The following ACTN1 variants were observed in gnomAD, a reference collection of about 807,000 sequenced individuals.
ACTN1 encodes the protein actinin alpha 1, also known as alpha-actinin-1.
A neutral mutation model predicts 119.6 loss-of-function variants in ACTN1; 30 were observed. The observed-to-expected ratio is 0.25, with a 90% CI of 0.19 to 0.34. The LOEUF (loss-of-function observed/expected upper bound fraction) is 0.34, where lower values mean the gene tolerates loss of function less well. Among genes scored for constraint, ACTN1 ranks in the 10% least tolerant of loss-of-function variants. The pLI is 1.00. For missense variants in ACTN1, 764 were observed against 1,223.4 expected (o/e 0.62, Z 5.60); for synonymous variants, 429 against 472.6 (o/e 0.91, Z 1.20).
At chr14:68,911,874 A>C (rs569622458) in intron 4 of ACTN1, among the ~76,000 whole-genome samples, 4 of 152,310 alleles carry the variant, frequency 2.6e-5, no homozygotes, top group African/African-American at 9.6e-5. Flanking sequence ...TTAACAACCC[A>C]AGAGCCAGGT....
chr14:68,902,440 T>G, intron 8 of ACTN1, 37 bp downstream of exon 8: 1 of 1,536,676 alleles, frequency 6.5e-7, no homozygotes, highest in Non-Finnish European at 9.0e-7. Context: ...CAGCAGGAGG[T>G]GTGCTGGGCA....
chr14:68,975,227 A>G (rs888327744), intron 1 of ACTN1, among the ~76,000 whole-genome samples: 1 of 152,230 alleles, frequency 6.6e-6, no homozygotes, highest in Non-Finnish European at 1.5e-5. Flanking sequence ...TGCACTTGCC[A>G]ACGCTGCCTC....
chr14:68,919,325 T>G (rs2034514432), intron 3 of ACTN1, among the ~76,000 whole-genome samples: 1 of 152,048 alleles, frequency 6.6e-6, no homozygotes, highest in Non-Finnish European at 1.5e-5. Flanking sequence ...CCTGAACCAC[T>G]TCACAAATTC....
intron 3 of ACTN1, among the ~76,000 whole-genome samples, chr14:68,914,438 A>G (rs1036409007): frequency 6.6e-6 from 1 of 152,188 alleles, no homozygotes; most frequent in Admixed American, 6.5e-5. Context: ...AAGAAATAAG[A>G]TCACCTTCCC....
Position 68,895,809 on chromosome 14 carries a change from C to T in ACTN1, c.763-2062G>A, listed in dbSNP as rs774107651. Among the ~76,000 whole-genome samples, 16 of 152,140 alleles carry T rather than the reference C, an allele frequency of 1.1e-4. 1 individual carries two copies. The highest frequency in any genetic ancestry group is 1.5e-4 in the Non-Finnish European group (10 of 68,012). On this transcript the variant is annotated intron_variant, in intron 8 of 21. Coordinates refer to ENST00000394419, the MANE Select transcript of ACTN1 (RefSeq NM_001130004.2). ...TAAGGTCTGCATTTGTGGGATTTTA[C>T]ATGTGTCCTATGGGACCTCAAGAGC...
At chr14:68,966,486 G>A (rs901358153) in intron 1 of ACTN1, among the ~76,000 whole-genome samples, 1 of 152,150 alleles carries the variant, frequency 6.6e-6, no homozygotes, top group African/African-American at 2.4e-5. Context: ...GTCTCCTGAG[G>A]CCCCGGTACC....
chr14:68,915,822 GC>G (rs1367040248), intron 3 of ACTN1, among the ~76,000 whole-genome samples: 11 of 152,200 alleles, frequency 7.2e-5, no homozygotes, highest in Admixed American at 7.2e-4. Flanking sequence ...TTCAAGACCA[GC>G]CTGGACAACA....
intron 6 of ACTN1, among the ~76,000 whole-genome samples, chr14:68,908,195 T>C (rs942651189): frequency 2.7e-5 from 1 of 36,494 alleles, no homozygotes; most frequent in Non-Finnish European, 5.2e-5. Flanking sequence ...GGGGTGGGGG[T>C]GGGGCGGGGC....
chr14:68,881,011 C>T (rs552842730), intron 16 of ACTN1, 22 bp from the exon 17 acceptor site: 50 of 1,612,282 alleles, frequency 3.1e-5, no homozygotes, highest in African/African-American at 1.5e-4. Context: ...GAAGGAAGCA[C>T]CTTGTCAGAC....
At chr14:68,978,262 G>A (rs543230699) in intron 1 of ACTN1, 2 of 455,346 alleles carry the variant, frequency 4.4e-6, no homozygotes, top group East Asian at 7.0e-5. Context: ...AGCCCATGTC[G>A]GGGTTACAGC....
At chr14:68,933,088 A>AG (rs2035301941) in intron 1 of ACTN1, among the ~76,000 whole-genome samples, 1 of 152,156 alleles carries the variant, frequency 6.6e-6, no homozygotes, top group South Asian at 2.1e-4. Context: ...AGGCACAAGG[A>AG]GGGGTCAAGT....
chr14:68,899,468 T>G, intron 8 of ACTN1, among the ~76,000 whole-genome samples: 1 of 106,302 alleles, frequency 9.4e-6, no homozygotes, highest in Non-Finnish European at 2.0e-5. Flanking sequence ...ACACTCCACA[T>G]ACACACACCA....
rs547715058 is a variant in ACTN1, at chr14:68,917,760, C to T, written c.340+3246G>A. Among the ~76,000 whole-genome samples, 10 of 152,312 alleles carry T rather than the reference C, an allele frequency of 6.6e-5. 1 individual carries two copies. In the South Asian group the frequency reaches 1.0e-3, roughly 16 times the overall value. The stretch of plus-strand genomic sequence containing the variant: ...CTCAGGGCAGGGAGAAGGTAAAGAA[C>T]GTCTCACTTTAAAGGAACTTTTCGT... On this transcript the variant is annotated intron_variant, in intron 3 of 21. Coordinates refer to ENST00000394419, the MANE Select transcript of ACTN1 (RefSeq NM_001130004.2).
At position 68,878,389 on chromosome 14, in the gene ACTN1, G is replaced by C; in HGVS notation, c.2427+69C>G. The C allele has an allele frequency of 6.6e-7, 1 of 1,509,632 alleles. No homozygotes were observed. The highest frequency in any genetic ancestry group is 8.8e-7 in the Non-Finnish European group (1 of 1,131,558). 93.5% of individuals were successfully genotyped at this position (1,509,632 alleles called of 1,614,324 possible). The stretch of plus-strand genomic sequence containing the variant: ...TGAGGGCCTCCAGCCTGCCACTCCT[G>C]GGACTTGGCTGCTCCCGCCAGCTGG... On this transcript the variant is annotated intron_variant, in intron 20 of 21. Coordinates refer to ENST00000394419, the MANE Select transcript of ACTN1 (RefSeq NM_001130004.2). The surrounding 1 kb of genome is among the most constrained non-coding windows in gnomAD (Gnocchi z 4.4).
chr14:68,952,964 G>A (rs2140551670), intron 1 of ACTN1, among the ~76,000 whole-genome samples: 1 of 152,248 alleles, frequency 6.6e-6, no homozygotes, highest in South Asian at 2.1e-4. Flanking sequence ...AACCCAGAAG[G>A]GATGGAAAGG....
intron 1 of ACTN1, among the ~76,000 whole-genome samples, chr14:68,970,755 A>G (rs2036857471): frequency 7.9e-5 from 12 of 152,220 alleles, no homozygotes; most frequent in Admixed American, 7.2e-4. Flanking sequence ...AGAGAAATAC[A>G]ACTTGCATCC....
intron 20 of ACTN1, 35 bp from the exon 21 acceptor site, chr14:68,877,275 C>T (rs1251030480): frequency 6.2e-7 from 1 of 1,612,500 alleles, no homozygotes. Context: ...CCTGTCAGCC[C>T]ATGGCCTGCT....
rs887678422 is a variant in ACTN1 at position 68,885,068 on chromosome 14, C to T, written c.1386-185G>A. Among the ~76,000 whole-genome samples, 1 of 152,110 alleles carries T rather than the reference C, an allele frequency of 6.6e-6. No individual in the cohort carries two copies. The highest frequency in any genetic ancestry group is 1.5e-5 in the Non-Finnish European group (1 of 68,012). On this transcript the variant is annotated intron_variant, in intron 12 of 21. Transcript: ENST00000394419. The surrounding 1 kb of genome is among the most constrained non-coding windows in gnomAD (Gnocchi z 5.6). Reference sequence around the variant, plus strand: ...TTTCAGGAGACTGGCAGAGAGGAGACCAAAGAAGACCCCTTTCCCAGTCAT... The same window carrying T: ...TTTCAGGAGACTGGCAGAGAGGAGATCAAAGAAGACCCCTTTCCCAGTCAT...
At position 68,874,192 on chromosome 14, in the gene ACTN1, G is replaced by A. The variant is rs2030560797; in HGVS notation, c.*667C>T. ...TATCAAAGTTGTCCATACTCTCCAA[G>A]TTTGTCCTATTTTTAATAGACAATA... On this transcript the variant is annotated 3_prime_UTR_variant, in exon 22 of 22. Coordinates refer to ENST00000394419, the MANE Select transcript of ACTN1 (RefSeq NM_001130004.2). 6.6e-6 allele frequency: 1 copy of A among 152,222 alleles called. No individual in the cohort carries two copies. The highest frequency in any genetic ancestry group is 1.5e-5 in the Non-Finnish European group (1 of 68,030). 9.4% of individuals were successfully genotyped at this position (152,222 alleles called of 1,614,324 possible). A position where few individuals can be genotyped will look rare whatever the true frequency, so the allele number is the denominator to read the frequency against.
Sources: gnomAD v4.1 joint callset for allele counts (sites outside exome capture counted in the v4.1 genomes callset) on GRCh38, gnomAD v4.1.1 for gene constraint, Gnocchi (gnomAD v3.1) non-coding constraint, MANE v1.5 for transcripts, NCBI Gene and HGNC (gene_info 2026-07-23, HGNC 2026-07-21) for gene names.